HSF2: variants seen among roughly 807,000 people sequenced by gnomAD.
HSF2 encodes heat shock transcription factor 2, also known as heat shock factor protein 2.
In HSF2, 21 loss-of-function variants were observed where a neutral mutation model predicts 65.0. The ratio of observed to expected loss-of-function variants is 0.32; its 90% confidence interval spans 0.23 to 0.47. The LOEUF (loss-of-function observed/expected upper bound fraction) is 0.47, where lower values mean the gene tolerates loss of function less well. Ranked by LOEUF, HSF2 falls within the 20% of genes least tolerant of loss-of-function variation. The pLI is 1.00. For missense variants in HSF2, 499 were observed against 628.1 expected (o/e 0.79, Z 2.20); for synonymous variants, 225 against 219.1 (o/e 1.03, Z -0.24).
At chr6:122,428,524 TAG>T (rs1562206509) in intron 11 of HSF2, among the ~76,000 whole-genome samples, 1 of 151,860 alleles carries the variant, frequency 6.6e-6, no homozygotes, top group Non-Finnish European at 1.5e-5. Context: ...TTTTAATGAG[TAG>T]TAAGGACAAT....
In HSF2 at chr6:122,420,129, T is replaced by G. The variant is rs1400886413; in HGVS notation, c.594-6T>G. 6.2e-7 allele frequency: 1 copy of G among 1,601,082 alleles called. No homozygotes were observed. The highest frequency in any genetic ancestry group is 8.5e-7 in the Non-Finnish European group (1 of 1,175,592). On this transcript the variant is annotated splice_region_variant and splice_polypyrimidine_tract_variant and intron_variant, in intron 6 of 12. Coordinates refer to ENST00000368455, the MANE Select transcript of HSF2 (RefSeq NM_004506.4). Reference sequence around the variant, plus strand: ...TCACTGAACTGCATATTCTTCTGGTTTTCAGGCCTCTACTTCTAAACACTA... The same window carrying G: ...TCACTGAACTGCATATTCTTCTGGTGTTCAGGCCTCTACTTCTAAACACTA...
intron 1 of HSF2, among the ~76,000 whole-genome samples, chr6:122,406,568 A>G (rs1011615012): frequency 2.0e-5 from 3 of 152,196 alleles, no homozygotes; most frequent in Non-Finnish European, 4.4e-5. Flanking sequence ...AGCAGCAGTC[A>G]AGGTATTGAG....
chr6:122,420,937 C>A (rs1285460692), intron 7 of HSF2, among the ~76,000 whole-genome samples: 1 of 151,570 alleles, frequency 6.6e-6, no homozygotes, highest in Non-Finnish European at 1.5e-5. Flanking sequence ...GTCTCGAACT[C>A]CCAGACTCAA....
intron 1 of HSF2, 33 bp downstream of exon 1, chr6:122,399,863 C>G: frequency 6.7e-7 from 1 of 1,494,018 alleles, no homozygotes; most frequent in Non-Finnish European, 9.3e-7. Flanking sequence ...TCTGAACCCC[C>G]TGAATAACCG....
Position 122,406,306 on chromosome 6 carries a change from G to T in HSF2, c.94-6067G>T, listed in dbSNP as rs866235078. ...ACGATGTTTGAGGAGAGATCTAAATGATTAGAAAAGATGGGCCAAAGGGGA... is the reference window on the plus strand; with the variant it reads ...ACGATGTTTGAGGAGAGATCTAAATTATTAGAAAAGATGGGCCAAAGGGGA... On this transcript the variant is annotated intron_variant, in intron 1 of 12. Transcript: ENST00000368455. Among the ~76,000 whole-genome samples the T allele has an allele frequency of 5.3e-5, 8 of 152,274 alleles. No homozygotes were observed. The South Asian group carries it at 8.3e-4, about 16-fold the overall frequency.
chr6:122,419,775 C>T (rs1355009489), intron 6 of HSF2, among the ~76,000 whole-genome samples: 1 of 152,114 alleles, frequency 6.6e-6, no homozygotes, highest in East Asian at 1.9e-4. Context: ...TGATTATGAT[C>T]AGAGCTTTAT....
chr6:122,407,961 CAGAG>C (rs10534323), intron 1 of HSF2, among the ~76,000 whole-genome samples: 101,047 of 149,594 alleles, frequency 0.68, 33,915 homozygotes, highest in South Asian at 0.75. Context: ...TTCCCAATGG[CAGAG>C]AGAGAGAGAG....
Position 122,399,761 on chromosome 6 carries a change from G to A in HSF2, c.24G>A (p.Pro8=), listed in dbSNP as rs368142355. 20 of 1,612,428 alleles carry A rather than the reference G, an allele frequency of 1.2e-5. No individual in the cohort carries two copies. The highest frequency in any genetic ancestry group is 1.5e-5 in the Non-Finnish European group (18 of 1,179,388). The change falls in exon 1 of 13, where the codon CCG becomes CCA. Residue 8 remains proline, a synonymous_variant. Transcript: ENST00000368455. ...CAATGAAGCAGAGTTCGAACGTGCC[G>A]GCTTTCCTCAGCAAGCTGTGGACGC... is the stretch of plus-strand genomic sequence containing the variant. The part of the protein sequence containing the change: MKQSSNV[P]AFLSKLWTLV...
chr6:122,399,764 T>C lies in HSF2; in HGVS notation c.27T>C (p.Ala9=). 2 of 1,612,586 alleles carry C rather than the reference T, an allele frequency of 1.2e-6. No individual in the cohort carries two copies. Among genetic ancestry groups the C allele is most frequent in the East Asian group, 2.2e-5 (1 of 44,704 alleles). Residue 9 remains alanine (A), a synonymous_variant, in exon 1 of 13, where the codon GCT becomes GCC. Coordinates refer to ENST00000368455, the MANE Select transcript of HSF2 (RefSeq NM_004506.4). The part of the protein sequence containing the change: MKQSSNVP[A]FLSKLWTLVE... ...TGAAGCAGAGTTCGAACGTGCCGGC[T>C]TTCCTCAGCAAGCTGTGGACGCTTG...
intron 10 of HSF2, among the ~76,000 whole-genome samples, chr6:122,426,971 G>A (rs1297220880): frequency 6.6e-6 from 1 of 152,002 alleles, no homozygotes; most frequent in Non-Finnish European, 1.5e-5. Flanking sequence ...TTATACCCGT[G>A]TGTTCTTCCC....
intron 2 of HSF2, 50 bp downstream of exon 2, chr6:122,412,531 A>G: frequency 6.5e-7 from 1 of 1,537,330 alleles, no homozygotes; most frequent in Non-Finnish European, 9.0e-7. Flanking sequence ...CTACTGATGA[A>G]GCCATTTTTT....
In HSF2 at chr6:122,405,748, T is replaced by C. The variant is rs539903303; in HGVS notation, c.93+5918T>C. Among the ~76,000 whole-genome samples the C allele has an allele frequency of 1.3e-3, 205 of 152,372 alleles. 2 individuals are homozygous for C. Among genetic ancestry groups the C allele is most frequent in the African/African-American group, 4.7e-3 (194 of 41,588 alleles). ...AGAACACAGCTATGCCCAATCTATT[T>C]ACATATTGTCTGTATCTGCTTTCTC... On this transcript the variant is annotated intron_variant, in intron 1 of 12. Coordinates refer to ENST00000368455, the MANE Select transcript of HSF2 (RefSeq NM_004506.4).
At chr6:122,405,354 G>A (rs866273017) in intron 1 of HSF2, among the ~76,000 whole-genome samples, 34 of 152,126 alleles carry the variant, frequency 2.2e-4, no homozygotes, top group South Asian at 8.3e-4. Flanking sequence ...TAAACTGTGT[G>A]TCGGTTAAGA....
rs763820147 is a variant in HSF2, at chr6:122,416,248, G to A, written c.483G>A (p.Val161=). 1 of 1,610,278 alleles carries A rather than the reference G, an allele frequency of 6.2e-7. No individual in the cohort carries two copies. Among genetic ancestry groups the A allele is most frequent in the East Asian group, 2.2e-5 (1 of 44,828 alleles). Reference sequence around the variant, plus strand: ...AGAATGAGTCCCTTTGGAAGGAGGTGTCAGAATTACGAGCAAAGCATGCAC... The same window carrying A: ...AGAATGAGTCCCTTTGGAAGGAGGTATCAGAATTACGAGCAAAGCATGCAC... ...KSENESLWKE[V]SELRAKHAQQ... Residue 161 remains valine (V), a synonymous_variant, in exon 5 of 13, where the codon GTG becomes GTA. Transcript: ENST00000368455.
intron 1 of HSF2, among the ~76,000 whole-genome samples, chr6:122,410,899 C>T (rs987267617): frequency 6.9e-6 from 1 of 143,968 alleles, no homozygotes; most frequent in Non-Finnish European, 1.5e-5. Flanking sequence ...CTGTTCAAGT[C>T]GTTGCTTTTA....
At position 122,426,469 on chromosome 6, in the gene HSF2, C is replaced by T. The variant is rs3799542; in HGVS notation, c.1177-1434C>T. 1.7e-4 allele frequency among the ~76,000 whole-genome samples: 26 copies of T among 152,212 alleles called. No individual in the cohort carries two copies. In the East Asian group the frequency reaches 5.0e-3, roughly 29 times the overall value. On this transcript the variant is annotated intron_variant, in intron 10 of 12. Coordinates refer to ENST00000368455, the MANE Select transcript of HSF2 (RefSeq NM_004506.4). ...TAGAGGAGCTTACAGTGCTGGTCCT[C>T]CTCAGATGCCACTCTCTGTAGGGAC...
Position 122,432,486 on chromosome 6 carries a change from G to T in HSF2, c.*266G>T. 2.8e-6 allele frequency: 1 copy of T among 353,538 alleles called. No individual in the cohort carries two copies. The highest frequency in any genetic ancestry group is 4.7e-5 in the South Asian group (1 of 21,464). 21.9% of individuals were successfully genotyped at this position (353,538 alleles called of 1,614,324 possible). ...AAATGGCCATTTTTCTCCAATTTTG[G>T]TAAATTGGATATCTTTTTTTTACAA... On this transcript the variant is annotated 3_prime_UTR_variant, in exon 13 of 13. Transcript: ENST00000368455.
chr6:122,408,877 T>A (rs572261), intron 1 of HSF2, among the ~76,000 whole-genome samples: 129,146 of 149,534 alleles, frequency 0.86, 56,163 homozygotes, highest in East Asian at 1. Context: ...CATCAAATGT[T>A]GTCGGGTGAC....
chr6:122,401,823 A>AAATTTAGAGAT (rs1773740531), intron 1 of HSF2, among the ~76,000 whole-genome samples: 1 of 152,088 alleles, frequency 6.6e-6, no homozygotes, highest in Non-Finnish European at 1.5e-5. Context: ...ATTTGAAATG[A>AAATTTAGAGAT]CTCTTAGAGA....
Sources: allele counts gnomAD v4.1 joint callset (sites outside exome capture counted in the v4.1 genomes callset), GRCh38; gene constraint gnomAD v4.1.1; transcripts MANE v1.5; gene names NCBI Gene and HGNC (gene_info 2026-07-23, HGNC 2026-07-21).